The following MRGPRX4 variants were observed in gnomAD, a reference collection of about 807,000 sequenced individuals.
MRGPRX4 encodes the protein mas-related G protein-coupled receptor member X4.
Under a neutral mutation model 17.8 loss-of-function variants are expected in MRGPRX4, and 13 were observed. That is an observed-to-expected ratio of 0.73 (90% CI 0.48 to 1.16). MRGPRX4 has a LOEUF of 1.16. Ranked by LOEUF, MRGPRX4 falls within the 50% of genes most tolerant of loss-of-function variation. The pLI, the probability that MRGPRX4 is intolerant of heterozygous loss-of-function variation, is 0.00. For missense variants in MRGPRX4, 399 were observed against 405.0 expected (o/e 0.99, Z 0.13); for synonymous variants, 192 against 175.3 (o/e 1.10, Z -0.75).
At position 18,174,093 on chromosome 11, in the gene MRGPRX4, G is replaced by A; in HGVS notation, c.837G>A (p.Arg279=). ...PIIYFFVGSF[R]QRQNRQNLKL... is the part of the protein sequence containing the mutation. Reference sequence around the variant, plus strand: ...TTTACTTCTTCGTGGGCTCCTTTAGGCAGCGTCAAAATAGGCAGAACCTGA... The same window carrying A: ...TTTACTTCTTCGTGGGCTCCTTTAGACAGCGTCAAAATAGGCAGAACCTGA... Residue 279 remains arginine (R), a synonymous_variant, in exon 1 of 1, where the codon AGG becomes AGA. Transcript: ENST00000314254. 8 of 1,614,132 alleles carry A rather than the reference G, an allele frequency of 5.0e-6. No individual in the cohort carries two copies. Among genetic ancestry groups the A allele is most frequent in the Non-Finnish European group, 6.8e-6 (8 of 1,180,036 alleles).
rs758328702 is a variant in MRGPRX4 at position 18,173,809 on chromosome 11, A to G, written c.553A>G (p.Ile185Val). The G allele has an allele frequency of 3.7e-6, 6 of 1,613,792 alleles. No individual in the cohort carries two copies. The African/African-American group carries it at 5.3e-5, about 14-fold the overall frequency. ...AGATTTCATCCCAGTCGCGTGGCTG[A>G]TTTTTTTATGTGTGGTTCTCTGTGT... ...TSDFIPVAWL[I>V]FLCVVLCVSS... The change falls in exon 1 of 1, where the codon ATT becomes GTT. Residue 185 changes from isoleucine to valine, a missense_variant. Transcript: ENST00000314254.
Position 18,174,068 on chromosome 11 carries a change from T to C in MRGPRX4, c.812T>C (p.Ile271Thr), listed in dbSNP as rs142732027. The C allele has an allele frequency of 2.3e-5, 37 of 1,614,062 alleles. No homozygotes were observed. The African/African-American group carries it at 4.8e-4, about 21-fold the overall frequency. The change falls in exon 1 of 1, where the codon ATT becomes ACT. Residue 271 changes from isoleucine (I) to threonine (T), a missense_variant. By Grantham distance (89) the Ile-to-Thr change is moderately conservative (BLOSUM62 -1). Transcript: ENST00000314254. ...SSLNSSANPI[I>T]YFFVGSFRQR... ...CTAAACAGTAGTGCCAACCCCATCATTTACTTCTTCGTGGGCTCCTTTAGG... is the reference window on the plus strand; with the variant it reads ...CTAAACAGTAGTGCCAACCCCATCACTTACTTCTTCGTGGGCTCCTTTAGG...
Position 18,173,529 on chromosome 11 carries a change from C to T in MRGPRX4, c.273C>T (p.Ser91=). The change falls in exon 1 of 1, where the codon AGC becomes AGT. Residue 91 remains serine (S), a synonymous_variant. Coordinates refer to ENST00000314254, the MANE Select transcript of MRGPRX4 (RefSeq NM_054032.3). ...TGCCATTACGCCTCATCAATATCAG[C>T]CATCTCATCCGCAAAATCCTCGTTT... is the stretch of plus-strand genomic sequence containing the variant. ...IRLPLRLINI[S]HLIRKILVSV... is the part of the protein sequence containing the mutation. 3 of 1,614,164 alleles carry T rather than the reference C, an allele frequency of 1.9e-6. No homozygotes were observed. The highest frequency in any genetic ancestry group is 2.5e-6 in the Non-Finnish European group (3 of 1,180,044).
At position 18,172,993 on chromosome 11, in the gene MRGPRX4, A is replaced by G. The variant is rs1048486165; in HGVS notation, c.-264A>G. On this transcript the variant is annotated 5_prime_UTR_variant, in exon 1 of 1. Coordinates refer to ENST00000314254, the MANE Select transcript of MRGPRX4 (RefSeq NM_054032.3). ...GGATGAGTGGGGGTGTTTTGATCCT[A>G]ATGTTATTCCCATGTCAGCACAGAA... The G allele has an allele frequency of 8.2e-5, 37 of 451,084 alleles. No homozygotes were observed. The highest frequency in any genetic ancestry group is 5.5e-4 in the African/African-American group (28 of 50,816). The allele number at this position is 451,084 out of a possible 1,614,324, so 27.9% of individuals were successfully genotyped here. A position where few individuals can be genotyped will look rare whatever the true frequency, so the allele number is the denominator to read the frequency against.
rs777233400 is a variant in MRGPRX4, at chr11:18,173,914, C to T, written c.658C>T (p.Leu220Phe). 2 of 1,614,166 alleles carry T rather than the reference C, an allele frequency of 1.2e-6. No individual in the cohort carries two copies. The highest frequency in any genetic ancestry group is 2.2e-5 in the East Asian group (1 of 44,888). ...PLTRLYVTIL[L>F]TVLVFLLCGL... Reference sequence around the variant, plus strand: ...GACCAGGCTGTACGTGACCATCCTGCTCACAGTGCTGGTCTTCCTCCTCTG... The same window carrying T: ...GACCAGGCTGTACGTGACCATCCTGTTCACAGTGCTGGTCTTCCTCCTCTG... Residue 220 changes from leucine (L) to phenylalanine (F), a missense_variant, in exon 1 of 1, where the codon CTC becomes TTC. Physicochemically the swap from Leu to Phe is conservative, Grantham distance 22. Coordinates refer to ENST00000314254, the MANE Select transcript of MRGPRX4 (RefSeq NM_054032.3).
chr11:18,173,237 C>T lies in MRGPRX4; in HGVS notation c.-20C>T. 6.4e-7 allele frequency: 1 copy of T among 1,569,370 alleles called. No homozygotes were observed. The highest frequency in any genetic ancestry group is 8.6e-7 in the Non-Finnish European group (1 of 1,157,148). On this transcript the variant is annotated 5_prime_UTR_variant, in exon 1 of 1. Transcript: ENST00000314254. ...CATCTGGTTTGTGTTCCCAGGGGCA[C>T]CAGACTAGGGTTTCTGAGCATGGAT...
Position 18,173,594 on chromosome 11 carries a change from T to A in MRGPRX4, c.338T>A (p.Leu113Gln), listed in dbSNP as rs762810658. The change falls in exon 1 of 1, where the codon CTG (leucine) becomes CAG (glutamine). Residue 113 changes from leucine (L) to glutamine (Q), a missense_variant. By Grantham distance (113) the Leu-to-Gln change is moderately radical. Coordinates refer to ENST00000314254, the MANE Select transcript of MRGPRX4 (RefSeq NM_054032.3). ...CCCTACTTTACAGGCCTGAGTATGC[T>A]GAGCGCCATCAGCACCGAGCGCTGC... is the stretch of plus-strand genomic sequence containing the variant. ...TFPYFTGLSM[L>Q]SAISTERCLS... is the part of the protein sequence containing the mutation. 9 of 1,614,080 alleles carry A rather than the reference T, an allele frequency of 5.6e-6. No individual in the cohort carries two copies. The highest frequency in any genetic ancestry group is 2.2e-5 in the East Asian group (1 of 44,898).
rs1849334582 is a variant in MRGPRX4 at position 18,173,010 on chromosome 11, A to C, written c.-247A>C. The C allele has an allele frequency of 2.0e-6, 1 of 507,710 alleles. No individual in the cohort carries two copies. The highest frequency in any genetic ancestry group is 3.6e-5 in the Admixed American group (1 of 27,430). The allele number at this position is 507,710 out of a possible 1,614,324, so 31.5% of individuals were successfully genotyped here. On this transcript the variant is annotated 5_prime_UTR_variant, in exon 1 of 1. Coordinates refer to ENST00000314254, the MANE Select transcript of MRGPRX4 (RefSeq NM_054032.3). ...TTGATCCTAATGTTATTCCCATGTCAGCACAGAACTTGTGTGGCAGTAGAG... is the reference window on the plus strand; with the variant it reads ...TTGATCCTAATGTTATTCCCATGTCCGCACAGAACTTGTGTGGCAGTAGAG...
At position 18,173,808 on chromosome 11, in the gene MRGPRX4, G is replaced by A. The variant is rs754058980; in HGVS notation, c.552G>A (p.Leu184=). The change falls in exon 1 of 1, where the codon CTG becomes CTA. Residue 184 remains leucine, a synonymous_variant. Coordinates refer to ENST00000314254, the MANE Select transcript of MRGPRX4 (RefSeq NM_054032.3). ...ETSDFIPVAW[L]IFLCVVLCVS... Reference sequence around the variant, plus strand: ...CAGATTTCATCCCAGTCGCGTGGCTGATTTTTTTATGTGTGGTTCTCTGTG... The same window carrying A: ...CAGATTTCATCCCAGTCGCGTGGCTAATTTTTTTATGTGTGGTTCTCTGTG... 1.1e-5 allele frequency: 17 copies of A among 1,614,014 alleles called. No homozygotes were observed. The highest frequency in any genetic ancestry group is 8.8e-5 in the South Asian group (8 of 91,072).
rs1292007628 is a variant in MRGPRX4 at position 18,174,234 on chromosome 11, C to T, written c.*9C>T. ...GCAGATTGGGGCCATGAGGGAGAGC[C>T]TCTGCCCTGTCAGTCAGACGGGACT... On this transcript the variant is annotated 3_prime_UTR_variant, in exon 1 of 1. Coordinates refer to ENST00000314254, the MANE Select transcript of MRGPRX4 (RefSeq NM_054032.3). 1.2e-6 allele frequency: 2 copies of T among 1,602,886 alleles called. No individual in the cohort carries two copies.
In MRGPRX4 at chr11:18,173,209, TC is replaced by T; in HGVS notation, c.-47del. 2 of 1,540,308 alleles carry T rather than the reference TC, an allele frequency of 1.3e-6. No homozygotes were observed. The highest frequency in any genetic ancestry group is 1.7e-6 in the Non-Finnish European group (2 of 1,143,632). ...GAATCAGAGATGATACAGCTGGTGA[TC>T]ACATCTGGTTTGTGTTCCCAGGGGC... On this transcript the variant is annotated 5_prime_UTR_variant, in exon 1 of 1. Coordinates refer to ENST00000314254, the MANE Select transcript of MRGPRX4 (RefSeq NM_054032.3).
chr11:18,173,496 T>G lies in MRGPRX4; in HGVS notation c.240T>G (p.Ile80Met), dbSNP rs769644786. 1 of 1,614,186 alleles carries G rather than the reference T, an allele frequency of 6.2e-7. No individual in the cohort carries two copies. Among genetic ancestry groups the G allele is most frequent in the East Asian group, 2.2e-5 (1 of 44,884 alleles). Residue 80 changes from isoleucine to methionine, a missense_variant, in exon 1 of 1, where the codon ATT becomes ATG. Physicochemically the swap from Ile to Met is conservative, Grantham distance 10 (BLOSUM62 1). Coordinates refer to ENST00000314254, the MANE Select transcript of MRGPRX4 (RefSeq NM_054032.3). ...AADFLFLSFQ[I>M]IRLPLRLINI... is the part of the protein sequence containing the mutation. ...ACTTCCTCTTCCTCAGCTTCCAGATTATACGTTTGCCATTACGCCTCATCA... is the reference window on the plus strand; with the variant it reads ...ACTTCCTCTTCCTCAGCTTCCAGATGATACGTTTGCCATTACGCCTCATCA...
At position 18,174,207 on chromosome 11, in the gene MRGPRX4, A is replaced by G; in HGVS notation, c.951A>G (p.Gly317=). ...CTGAGGAAAGCCTGGAGCTGTCGGGAAGCAGATTGGGGCCATGAGGGAGAG... is the reference window on the plus strand; with the variant it reads ...CTGAGGAAAGCCTGGAGCTGTCGGGGAGCAGATTGGGGCCATGAGGGAGAG... ...QLPEESLELS[G]SRLGP Residue 317 remains glycine, a synonymous_variant, in exon 1 of 1, where the codon GGA becomes GGG. Transcript: ENST00000314254. 3.7e-6 allele frequency: 6 copies of G among 1,613,360 alleles called. No individual in the cohort carries two copies. The highest frequency in any genetic ancestry group is 5.1e-6 in the Non-Finnish European group (6 of 1,179,504).
rs1849350567 is a variant in MRGPRX4 at position 18,174,145 on chromosome 11, G to C, written c.889G>C (p.Asp297His). The C allele has an allele frequency of 7.4e-6, 12 of 1,614,224 alleles. No individual in the cohort carries two copies. Among genetic ancestry groups the C allele is most frequent in the Non-Finnish European group, 9.3e-6 (11 of 1,180,042 alleles). Residue 297 changes from aspartate (D) to histidine (H), a missense_variant, in exon 1 of 1, where the codon GAC becomes CAC. Physicochemically the swap from Asp to His is moderately conservative, Grantham distance 81 (BLOSUM62 -1). Transcript: ENST00000314254. ...LKLVLQRALQDKPEVDKGEGQ... is the reference protein window; with the variant it reads ...LKLVLQRALQHKPEVDKGEGQ... ...GCTGGTTCTCCAGAGGGCTCTGCAG[G>C]ACAAGCCTGAGGTGGATAAAGGTGA...
Position 18,173,682 on chromosome 11 carries a change from G to A in MRGPRX4, c.426G>A (p.Val142=), listed in dbSNP as rs750732194. 1.2e-6 allele frequency: 2 copies of A among 1,614,182 alleles called. No homozygotes were observed. The highest frequency in any genetic ancestry group is 1.7e-6 in the Non-Finnish European group (2 of 1,180,032). The change falls in exon 1 of 1, where the codon GTG becomes GTA. Residue 142 remains valine, a synonymous_variant. Coordinates refer to ENST00000314254, the MANE Select transcript of MRGPRX4 (RefSeq NM_054032.3). ...GCCCCACACACCTGTCAGCGGTCGT[G>A]TGTGTCCTGCTCTGGGGCCTGTCCC... The part of the protein sequence containing the change: ...CRRPTHLSAV[V]CVLLWGLSLL...
In MRGPRX4 at chr11:18,173,239, A is replaced by G. The variant is rs758663281; in HGVS notation, c.-18A>G. On this transcript the variant is annotated 5_prime_UTR_variant, in exon 1 of 1. Coordinates refer to ENST00000314254, the MANE Select transcript of MRGPRX4 (RefSeq NM_054032.3). ...TCTGGTTTGTGTTCCCAGGGGCACCAGACTAGGGTTTCTGAGCATGGATCC... is the reference window on the plus strand; with the variant it reads ...TCTGGTTTGTGTTCCCAGGGGCACCGGACTAGGGTTTCTGAGCATGGATCC... 6.4e-6 allele frequency: 10 copies of G among 1,574,348 alleles called. No individual in the cohort carries two copies. The East Asian group carries it at 2.0e-4, about 32-fold the overall frequency.
chr11:18,172,990 C>G lies in MRGPRX4; in HGVS notation c.-267C>G, dbSNP rs1380979109. ...GCCGGATGAGTGGGGGTGTTTTGATCCTAATGTTATTCCCATGTCAGCACA... is the reference window on the plus strand; with the variant it reads ...GCCGGATGAGTGGGGGTGTTTTGATGCTAATGTTATTCCCATGTCAGCACA... On this transcript the variant is annotated 5_prime_UTR_variant, in exon 1 of 1. It adds an upstream start codon to the 5' untranslated region. Transcript: ENST00000314254. 3 of 446,558 alleles carry G rather than the reference C, an allele frequency of 6.7e-6. No individual in the cohort carries two copies. Among genetic ancestry groups the G allele is most frequent in the Non-Finnish European group, 1.2e-5 (3 of 251,844 alleles). 27.7% of individuals were successfully genotyped at this position (446,558 alleles called of 1,614,324 possible).
At position 18,173,303 on chromosome 11, in the gene MRGPRX4, A is replaced by G. The variant is rs768996432; in HGVS notation, c.47A>G (p.Asn16Ser). The G allele has an allele frequency of 1.1e-5, 17 of 1,613,330 alleles. No individual in the cohort carries two copies. The highest frequency in any genetic ancestry group is 1.4e-5 in the Non-Finnish European group (16 of 1,179,698). Reference protein sequence around the residue: ...PVFGTKLTPINGREETPCYNQ... With the variant: ...PVFGTKLTPISGREETPCYNQ... ...TTCGGTACAAAACTGACACCAATCA[A>G]CGGACGTGAGGAGACTCCTTGCTAC... The change falls in exon 1 of 1, where the codon AAC becomes AGC. Residue 16 changes from asparagine (N) to serine (S), a missense_variant. Coordinates refer to ENST00000314254, the MANE Select transcript of MRGPRX4 (RefSeq NM_054032.3).
chr11:18,173,820 T>TGTG lies in MRGPRX4; in HGVS notation c.567_569dup (p.Val190dup), dbSNP rs780574981. Reference sequence around the variant, plus strand: ...CAGTCGCGTGGCTGATTTTTTTATGTGTGGTTCTCTGTGTTTCCAGCCTGG... The same window carrying TGTG: ...CAGTCGCGTGGCTGATTTTTTTATGTGTGGTGGTTCTCTGTGTTTCCAGCCTGG... On this transcript the variant is annotated inframe_insertion, in exon 1 of 1. Transcript: ENST00000314254. 1 of 1,614,086 alleles carries TGTG rather than the reference T, an allele frequency of 6.2e-7. No homozygotes were observed. The highest frequency in any genetic ancestry group is 2.2e-5 in the East Asian group (1 of 44,864).
Sources: gnomAD v4.1 joint callset for allele counts on GRCh38, gnomAD v4.1.1 for gene constraint, MANE v1.5 for transcripts, NCBI Gene and HGNC (gene_info 2026-07-23, HGNC 2026-07-21) for gene names.